Variants in GABRR3 observed in about 807,000 individuals in gnomAD.
The protein encoded by GABRR3 is gamma-aminobutyric acid type A receptor subunit rho3.
Under a neutral mutation model 43.2 loss-of-function variants are expected in GABRR3, and 29 were observed. That is an observed-to-expected ratio of 0.67 (90% confidence interval 0.50 to 0.92). The LOEUF (loss-of-function observed/expected upper bound fraction) is 0.92, where lower values mean the gene tolerates loss of function less well. Ranked by LOEUF, GABRR3 falls within the 40% of genes least tolerant of loss-of-function variation. The pLI is 0.00. For missense variants in GABRR3, 576 were observed against 572.3 expected (o/e 1.01, Z -0.07); for synonymous variants, 206 against 195.9 (o/e 1.05, Z -0.43).
At chr3:98,004,750 T>A (rs762889007) in intron 7 of GABRR3, among the ~76,000 whole-genome samples, 13 of 151,888 alleles carry the variant, frequency 8.6e-5, no homozygotes, top group Non-Finnish European at 1.0e-4. Context: ...TTTCTGACTC[T>A]TATAGCCAGA....
chr3:98,010,408 C>T (rs1706774975), intron 5 of GABRR3, among the ~76,000 whole-genome samples: 1 of 152,088 alleles, frequency 6.6e-6, no homozygotes, highest in Admixed American at 6.5e-5. Context: ...TGAGAGTAGC[C>T]ACATAGTAAT....
chr3:98,027,365 A>G (rs1445087283), intron 2 of GABRR3, among the ~76,000 whole-genome samples: 1 of 152,254 alleles, frequency 6.6e-6, no homozygotes, highest in Non-Finnish European at 1.5e-5. Flanking sequence ...AAATCTAACT[A>G]CTTGTTACTA....
At chr3:97,985,142 C>T (rs967478690), downstream of GABRR3, among the ~76,000 whole-genome samples, 3 of 152,126 alleles carry the variant, frequency 2.0e-5, no homozygotes, top group Non-Finnish European at 4.4e-5. Flanking sequence ...TCAATCCCAG[C>T]AATCAAAATA....
intron 7 of GABRR3, among the ~76,000 whole-genome samples, chr3:98,003,499 AG>A (rs1470615890): frequency 1.3e-5 from 2 of 149,444 alleles, no homozygotes; most frequent in East Asian, 2.0e-4. Flanking sequence ...GTTTTAGACT[AG>A]GGGTGGTATT....
At chr3:97,993,586 TTC>T (rs1706499959) in intron 8 of GABRR3, among the ~76,000 whole-genome samples, 1 of 152,224 alleles carries the variant, frequency 6.6e-6, no homozygotes, top group African/African-American at 2.4e-5. Context: ...GCCATTGTTA[TTC>T]TCTTTGTCGA....
At chr3:97,998,171 A>T (rs888706480) in intron 8 of GABRR3, 1 of 152,244 alleles carries the variant, frequency 6.6e-6, no homozygotes, top group Admixed American at 6.6e-5. Context: ...AATTGCATGA[A>T]GATAGTGCAT....
chr3:98,035,290 C>G lies in GABRR3; in HGVS notation c.-103G>C, dbSNP rs1707138111. On this transcript the variant is annotated 5_prime_UTR_variant, in exon 1 of 10. It removes the in-frame stop codon of an upstream open reading frame in the 5' UTR. Transcript: ENST00000621172. ...CGGGGAAGGTTTTTAGTGTGATGCT[C>G]AATCCATACTCAGTAAACCCTCAGC... 2.9e-6 allele frequency: 1 copy of G among 344,006 alleles called. No individual in the cohort carries two copies. The highest frequency in any genetic ancestry group is 2.1e-5 in the African/African-American group (1 of 47,928). 21.3% of individuals were successfully genotyped at this position (344,006 alleles called of 1,614,324 possible).
chr3:97,990,160 T>C (rs893386281), intron 9 of GABRR3, among the ~76,000 whole-genome samples: 2 of 152,216 alleles, frequency 1.3e-5, no homozygotes, highest in East Asian at 3.8e-4. Context: ...AGAACTTCCA[T>C]TTGTATAGCA....
chr3:97,992,077 T>C (rs1395165546), intron 9 of GABRR3, among the ~76,000 whole-genome samples: 1 of 152,190 alleles, frequency 6.6e-6, no homozygotes, highest in East Asian at 1.9e-4. Context: ...AGGAAACTGG[T>C]GCCCAAATCC....
At chr3:98,022,652 C>G (rs1324223340) in intron 3 of GABRR3, among the ~76,000 whole-genome samples, 3 of 152,160 alleles carry the variant, frequency 2.0e-5, no homozygotes, top group African/African-American at 4.8e-5. Context: ...AGCTACCAGA[C>G]TGACACTTCT....
In GABRR3 at chr3:97,995,427, T is replaced by C. The variant is rs571169648; in HGVS notation, c.908-2379A>G. On this transcript the variant is annotated intron_variant, in intron 8 of 9. Coordinates refer to ENST00000621172, the Ensembl canonical transcript of GABRR3. ...TGTATATGCCTGATTGGTCTCGTCATGTATTTGAAATTGATAACTACTGGG... is the reference window on the plus strand; with the variant it reads ...TGTATATGCCTGATTGGTCTCGTCACGTATTTGAAATTGATAACTACTGGG... 8.8e-4 allele frequency among the ~76,000 whole-genome samples: 134 copies of C among 152,304 alleles called. No homozygotes were observed. The South Asian group carries it at 0.018, about 21-fold the overall frequency.
chr3:98,024,352 G>C, intron 3 of GABRR3, among the ~76,000 whole-genome samples: 1 of 122,464 alleles, frequency 8.2e-6, no homozygotes, highest in Non-Finnish European at 1.6e-5. Flanking sequence ...GGGTGACAGA[G>C]TGAGACTCCG....
chr3:97,990,622 C>T (rs980372141), intron 9 of GABRR3, among the ~76,000 whole-genome samples: 1 of 152,190 alleles, frequency 6.6e-6, no homozygotes, highest in Non-Finnish European at 1.5e-5. Context: ...GCTGGGATTA[C>T]AGGCATGAAC....
chr3:98,025,869 G>T (rs1426923149), intron 2 of GABRR3, among the ~76,000 whole-genome samples, 190 bp from the exon 3 acceptor site: 5 of 152,190 alleles, frequency 3.3e-5, no homozygotes, highest in Non-Finnish European at 7.4e-5. Context: ...GAGCAAATAA[G>T]GTAAACCAAA....
intron 3 of GABRR3, among the ~76,000 whole-genome samples, chr3:98,020,940 C>A (rs1295783766): frequency 2.7e-5 from 4 of 148,240 alleles, no homozygotes; most frequent in Non-Finnish European, 5.9e-5. Context: ...CGGCTCACGG[C>A]AACCTCCACC....
intron 5 of GABRR3, 62 bp from the exon 6 acceptor site, chr3:98,009,100 G>A (rs1706757870): frequency 2.9e-6 from 3 of 1,051,894 alleles, no homozygotes; most frequent in Non-Finnish European, 4.3e-6. Flanking sequence ...AAATGAGCAT[G>A]CAACATTGAA....
chr3:98,014,853 A>G (rs1235549596), intron 4 of GABRR3, among the ~76,000 whole-genome samples: 1 of 152,074 alleles, frequency 6.6e-6, no homozygotes, highest in Non-Finnish European at 1.5e-5. Flanking sequence ...CTGTTTGTTC[A>G]CTTTGTCTCT....
chr3:98,031,083 C>T (rs1382455150), intron 2 of GABRR3, among the ~76,000 whole-genome samples: 2 of 152,154 alleles, frequency 1.3e-5, no homozygotes, highest in Non-Finnish European at 2.9e-5. Flanking sequence ...TCTGATTGAA[C>T]TCCTAACTTC....
At chr3:98,002,711 T>C (rs1559775840) in intron 7 of GABRR3, among the ~76,000 whole-genome samples, 1 of 146,266 alleles carries the variant, frequency 6.8e-6, no homozygotes, top group Non-Finnish European at 1.6e-5. Context: ...CTTTTCTGAA[T>C]AAGTAGCAAG....
Sources: allele counts gnomAD v4.1 joint callset (sites outside exome capture counted in the v4.1 genomes callset), GRCh38; gene constraint gnomAD v4.1.1; transcripts MANE v1.5; gene names NCBI Gene and HGNC (gene_info 2026-07-23, HGNC 2026-07-21).